COG5: variants seen among roughly 807,000 people sequenced by gnomAD.
The protein encoded by COG5 is conserved oligomeric Golgi complex subunit 5.
A neutral mutation model predicts 110.4 loss-of-function variants in COG5; 86 were observed. The observed-to-expected ratio is 0.78, with a 90% CI of 0.65 to 0.93. The LOEUF is 0.93. Among genes scored for constraint, COG5 ranks in the 40% least tolerant of loss-of-function variants. COG5 has a pLI of 0.00. For missense variants in COG5, 1,077 were observed against 987.0 expected, an observed-to-expected ratio of 1.09 and a Z score of -1.22; for synonymous variants, 360 against 334.6, an observed-to-expected ratio of 1.08 and a Z score of -0.83.
chr7:107,396,322 G>C (rs1337150535), intron 7 of COG5, among the ~76,000 whole-genome samples: 1 of 152,170 alleles, frequency 6.6e-6, no homozygotes, highest in African/African-American at 2.4e-5. Context: ...AATGCTTGAT[G>C]TGTACTTCTC....
intron 6 of COG5, among the ~76,000 whole-genome samples, chr7:107,510,827 A>T (rs1799443277): frequency 6.6e-6 from 1 of 152,240 alleles, no homozygotes; most frequent in Admixed American, 6.5e-5. Context: ...GCAGAAATAA[A>T]GATGTTCTCT....
At chr7:107,353,005 G>C (rs1183509682) in intron 10 of COG5, among the ~76,000 whole-genome samples, 1 of 152,152 alleles carries the variant, frequency 6.6e-6, no homozygotes. Context: ...CTGGTGATTA[G>C]ACAGTGATAA....
intron 12 of COG5, among the ~76,000 whole-genome samples, chr7:107,289,573 T>C (rs926144619): frequency 6.6e-6 from 1 of 152,220 alleles, no homozygotes; most frequent in African/African-American, 2.4e-5. Context: ...CTGTACTGAA[T>C]CGATATATAT....
At chr7:107,240,170 A>C (rs1801502998) in intron 17 of COG5, among the ~76,000 whole-genome samples, 1 of 152,192 alleles carries the variant, frequency 6.6e-6, no homozygotes, top group Admixed American at 6.5e-5. Context: ...TTTTAAAATA[A>C]ATTTCAAATA....
chr7:107,312,777 C>G (rs1487247898), intron 11 of COG5, among the ~76,000 whole-genome samples: 1 of 151,922 alleles, frequency 6.6e-6, no homozygotes, highest in Non-Finnish European at 1.5e-5. Context: ...CAGTTCACTT[C>G]TTGTAACAAT....
rs113201632 is a variant in COG5, at chr7:107,520,743, C to T, written c.538+6494G>A. On this transcript the variant is annotated intron_variant, in intron 6 of 21. Coordinates refer to ENST00000297135, the MANE Select transcript of COG5 (RefSeq NM_006348.5). The stretch of plus-strand genomic sequence containing the variant: ...TCCAAAGTAATTTATAGATTCAATG[C>T]TATTCCTATCAAACTACCATTAACA... 8.5e-5 allele frequency among the ~76,000 whole-genome samples: 13 copies of T among 152,260 alleles called. 3 individuals carry two copies. Among genetic ancestry groups the T allele is most frequent in the African/African-American group, 2.4e-4 (10 of 41,548 alleles).
intron 11 of COG5, among the ~76,000 whole-genome samples, chr7:107,321,485 G>A (rs1350656699): frequency 6.6e-6 from 1 of 152,028 alleles, no homozygotes; most frequent in African/African-American, 2.4e-5. Flanking sequence ...AAAGACCTAT[G>A]GTAACTAAAA....
chr7:107,464,463 C>G (rs1457885184), intron 6 of COG5, among the ~76,000 whole-genome samples: 5 of 152,098 alleles, frequency 3.3e-5, no homozygotes, highest in African/African-American at 1.2e-4. Flanking sequence ...CATTAACAGG[C>G]AGGTCGTTAG....
At chr7:107,398,364 G>C (rs547238457) in intron 7 of COG5, among the ~76,000 whole-genome samples, 55 of 152,308 alleles carry the variant, frequency 3.6e-4, no homozygotes, top group African/African-American at 1.3e-3. Context: ...GTTAGGAACT[G>C]GGCCACACAG....
chr7:107,527,583 A>G (rs1291700677), intron 5 of COG5, among the ~76,000 whole-genome samples: 1 of 152,106 alleles, frequency 6.6e-6, no homozygotes, highest in African/African-American at 2.4e-5. Context: ...CCAGATGCTA[A>G]AGATTCACTC....
intron 14 of COG5, chr7:107,258,654 T>C (rs952847797): frequency 2.1e-6 from 1 of 468,612 alleles, no homozygotes; most frequent in Non-Finnish European, 3.8e-6. Flanking sequence ...CCATTTATAC[T>C]TCACAGCTGA....
At chr7:107,461,866 A>C (rs1231953173) in intron 6 of COG5, among the ~76,000 whole-genome samples, 1 of 152,254 alleles carries the variant, frequency 6.6e-6, no homozygotes, top group Non-Finnish European at 1.5e-5. Context: ...AAATTACAAA[A>C]TATTACCAAG....
intron 5 of COG5, among the ~76,000 whole-genome samples, 161 bp from the exon 6 acceptor site, chr7:107,527,518 C>CA (rs1385601226): frequency 3.3e-5 from 5 of 151,900 alleles, no homozygotes; most frequent in Non-Finnish European, 7.4e-5. Flanking sequence ...ACTTAAATTA[C>CA]AAAAAAAACA....
intron 6 of COG5, among the ~76,000 whole-genome samples, chr7:107,521,949 A>T (rs1401017136): frequency 6.6e-6 from 1 of 152,202 alleles, no homozygotes; most frequent in Non-Finnish European, 1.5e-5. Flanking sequence ...CATAAAAAAA[A>T]ATGAAATCAT....
At chr7:107,510,982 G>C (rs1468459244) in intron 6 of COG5, among the ~76,000 whole-genome samples, 1 of 151,944 alleles carries the variant, frequency 6.6e-6, no homozygotes, top group African/African-American at 2.4e-5. Flanking sequence ...ACAATTAAAA[G>C]AACTAGAAAA....
intron 7 of COG5, among the ~76,000 whole-genome samples, chr7:107,381,872 G>T (rs1815151212): frequency 6.6e-6 from 1 of 152,104 alleles, no homozygotes. Flanking sequence ...AATTGGGTAA[G>T]GTATACCCCC....
intron 6 of COG5, among the ~76,000 whole-genome samples, chr7:107,434,141 T>TA (rs780129843): frequency 6.6e-6 from 1 of 152,150 alleles, no homozygotes; most frequent in South Asian, 2.1e-4. Context: ...TGGCCACTAT[T>TA]AAAAAAATAC....
At chr7:107,467,647 C>T (rs1490849197) in intron 6 of COG5, among the ~76,000 whole-genome samples, 1 of 152,094 alleles carries the variant, frequency 6.6e-6, no homozygotes, top group Non-Finnish European at 1.5e-5. Flanking sequence ...CCACTGCACC[C>T]GGTCTGTAAT....
intron 12 of COG5, among the ~76,000 whole-genome samples, chr7:107,285,698 TA>T (rs202198886): frequency 4.0e-5 from 6 of 149,504 alleles, no homozygotes; most frequent in Admixed American, 6.7e-5. Context: ...GAACTTGCTT[TA>T]AAAAAAAAAT....
Sources: gnomAD v4.1 joint callset for allele counts (sites outside exome capture counted in the v4.1 genomes callset) on GRCh38, gnomAD v4.1.1 for gene constraint, MANE v1.5 for transcripts, NCBI Gene and HGNC (gene_info 2026-07-23, HGNC 2026-07-21) for gene names.